The following CAMKMT variants were observed in gnomAD, a reference collection of about 807,000 sequenced individuals.
CAMKMT encodes the protein calmodulin-lysine N-methyltransferase.
A neutral mutation model predicts 48.0 loss-of-function variants in CAMKMT; 53 were observed. The observed-to-expected ratio is 1.10, with a 90% CI of 0.89 to 1.39. The LOEUF is 1.39. CAMKMT is among the 40% of genes most tolerant of loss of function. CAMKMT has a pLI of 0.00. For synonymous variants in CAMKMT, 165 were observed against 152.3 expected (o/e 1.08, Z -0.61); for missense variants, 428 against 402.7 (o/e 1.06, Z -0.54).
chr2:44,473,338 T>C (rs1572598543), intron 3 of CAMKMT, among the ~76,000 whole-genome samples: 1 of 152,246 alleles, frequency 6.6e-6, no homozygotes, highest in Non-Finnish European at 1.5e-5. Flanking sequence ...GTTAACAATC[T>C]ATGTTTTAAA....
chr2:44,573,310 A>G (rs1228751300), intron 3 of CAMKMT, among the ~76,000 whole-genome samples: 1 of 152,080 alleles, frequency 6.6e-6, no homozygotes, highest in East Asian at 1.9e-4. Flanking sequence ...GGAGTTCTTT[A>G]TAATATTATG....
intron 3 of CAMKMT, chr2:44,457,399 CTCTT>C (rs1216340688): frequency 6.7e-6 from 1 of 149,088 alleles, no homozygotes; most frequent in Non-Finnish European, 1.5e-5. Flanking sequence ...TTTTCTTTCT[CTCTT>C]TTTTTTTTTT....
intron 3 of CAMKMT, among the ~76,000 whole-genome samples, chr2:44,645,257 T>C (rs570592456): frequency 1.1e-3 from 175 of 152,392 alleles, no homozygotes; most frequent in Non-Finnish European, 2.0e-3. Context: ...TGCTCCTGCC[T>C]TCGTGGCATC....
intron 1 of CAMKMT, chr2:44,369,613 G>A (rs1361329502): frequency 6.6e-6 from 1 of 152,168 alleles, no homozygotes; most frequent in Non-Finnish European, 1.5e-5. Flanking sequence ...AGAACCTGAA[G>A]CTGTCTCCAG....
chr2:44,470,700 C>G (rs1242284616), intron 3 of CAMKMT, among the ~76,000 whole-genome samples: 2 of 152,128 alleles, frequency 1.3e-5, no homozygotes, highest in Non-Finnish European at 2.9e-5. Context: ...ATATGCATGT[C>G]TGTTTTTTCC....
chr2:44,687,175 G>C (rs1486009618), intron 3 of CAMKMT, among the ~76,000 whole-genome samples: 1 of 152,172 alleles, frequency 6.6e-6, no homozygotes, highest in Admixed American at 6.5e-5. Flanking sequence ...GTGTGTGACT[G>C]TATAATAGAG....
intron 3 of CAMKMT, among the ~76,000 whole-genome samples, chr2:44,529,738 T>C (rs916291977): frequency 7.2e-5 from 11 of 152,204 alleles, no homozygotes; most frequent in Non-Finnish European, 1.3e-4. Context: ...AGTATTTCTA[T>C]CAAAGAAATT....
intron 3 of CAMKMT, among the ~76,000 whole-genome samples, chr2:44,583,583 A>G (rs1669686619): frequency 6.6e-6 from 1 of 152,146 alleles, no homozygotes; most frequent in Admixed American, 6.6e-5. Context: ...TCTTAAGACC[A>G]GGAGTTTGAG....
chr2:44,438,870 AC>A (rs2104557095), intron 3 of CAMKMT, among the ~76,000 whole-genome samples: 1 of 152,082 alleles, frequency 6.6e-6, no homozygotes, highest in South Asian at 2.1e-4. Context: ...CTTGCATAGG[AC>A]TGTCTCCTCT....
In CAMKMT at chr2:44,610,489, A is replaced by G. The variant is rs567609551; in HGVS notation, c.377-93794A>G. On this transcript the variant is annotated intron_variant, in intron 3 of 10. Transcript: ENST00000378494. Reference sequence around the variant, plus strand: ...TCTCCAAAACCTCTAAGTTTCCTCCATATTTGTGATTCATACTAGAATATT... The same window carrying G: ...TCTCCAAAACCTCTAAGTTTCCTCCGTATTTGTGATTCATACTAGAATATT... Among the ~76,000 whole-genome samples the G allele has an allele frequency of 4.6e-5, 7 of 152,318 alleles. No homozygotes were observed. In the East Asian group the frequency reaches 1.3e-3, roughly 29 times the overall value.
intron 3 of CAMKMT, among the ~76,000 whole-genome samples, chr2:44,590,937 G>A (rs1202739178): frequency 6.6e-6 from 1 of 151,866 alleles, no homozygotes; most frequent in Non-Finnish European, 1.5e-5. Context: ...TGTATAAGGT[G>A]TAAGGAAGGG....
intron 3 of CAMKMT, among the ~76,000 whole-genome samples, chr2:44,514,985 G>T (rs1183665094): frequency 4.6e-5 from 7 of 152,190 alleles, no homozygotes; most frequent in Non-Finnish European, 8.8e-5. Flanking sequence ...CTGAGAAGTT[G>T]GGTAGTCCTG....
At chr2:44,432,689 C>T (rs1199447169) in intron 3 of CAMKMT, among the ~76,000 whole-genome samples, 1 of 152,080 alleles carries the variant, frequency 6.6e-6, no homozygotes, top group East Asian at 1.9e-4. Context: ...AGAGCTAAGT[C>T]TTCACTTAGA....
At chr2:44,413,955 T>C (rs1443645491) in intron 3 of CAMKMT, among the ~76,000 whole-genome samples, 1 of 152,212 alleles carries the variant, frequency 6.6e-6, no homozygotes, top group Non-Finnish European at 1.5e-5. Flanking sequence ...CAATACAAGA[T>C]TCATAGTAAT....
chr2:44,394,195 T>A (rs999808973), intron 3 of CAMKMT, among the ~76,000 whole-genome samples: 1 of 152,128 alleles, frequency 6.6e-6, no homozygotes, highest in Admixed American at 6.5e-5. Flanking sequence ...AGTAATATCA[T>A]TGTGAAGCAG....
Position 44,764,192 on chromosome 2 carries a change from G to T in CAMKMT, c.763-2238G>T, listed in dbSNP as rs551300269. Among the ~76,000 whole-genome samples the T allele has an allele frequency of 3.0e-4, 45 of 152,290 alleles. No homozygotes were observed. In the South Asian group the frequency reaches 9.3e-3, roughly 32 times the overall value. ...AACCTTAAGTGTAGTGGCATGATTG[G>T]TGCTGCTATAATTATGTGCCTGAGT... On this transcript the variant is annotated intron_variant, in intron 9 of 10. Transcript: ENST00000378494.
chr2:44,763,873 G>A (rs1680721504), intron 9 of CAMKMT, among the ~76,000 whole-genome samples: 1 of 152,184 alleles, frequency 6.6e-6, no homozygotes, highest in South Asian at 2.1e-4. Flanking sequence ...ATGATATGCA[G>A]CTTAGATAAT....
chr2:44,577,592 C>T (rs1171268605), intron 3 of CAMKMT, among the ~76,000 whole-genome samples: 2 of 150,798 alleles, frequency 1.3e-5, no homozygotes, highest in Non-Finnish European at 2.9e-5. Flanking sequence ...GCACTCCAGC[C>T]TGAGAGACAG....
chr2:44,577,548 G>A (rs1017838657), intron 3 of CAMKMT, among the ~76,000 whole-genome samples: 2 of 152,058 alleles, frequency 1.3e-5, no homozygotes, highest in African/African-American at 4.8e-5. Flanking sequence ...GAGTCTGAGA[G>A]GTCCAGGCTG....
Sources: gnomAD v4.1 joint callset for allele counts (sites outside exome capture counted in the v4.1 genomes callset) on GRCh38, gnomAD v4.1.1 for gene constraint, MANE v1.5 for transcripts, NCBI Gene and HGNC (gene_info 2026-07-23, HGNC 2026-07-21) for gene names.